Variants in IPO11 observed in about 807,000 individuals in gnomAD.
The protein encoded by IPO11 is importin 11.
In IPO11, 66 loss-of-function variants were observed where a neutral mutation model predicts 143.2. The ratio of observed to expected loss-of-function variants is 0.46; its 90% CI spans 0.38 to 0.57. IPO11 has a LOEUF of 0.57. IPO11 is among the 20% of genes least tolerant of loss of function. The pLI is 0.00. For missense variants in IPO11, 1,026 were observed against 1,141.0 expected (o/e 0.90, Z 1.45); for synonymous variants, 385 against 377.8 (o/e 1.02, Z -0.22).
chr5:62,445,865 C>T (rs1744702403), intron 3 of IPO11, among the ~76,000 whole-genome samples: 1 of 151,952 alleles, frequency 6.6e-6, no homozygotes, highest in Non-Finnish European at 1.5e-5. Context: ...ATTTTTTTTG[C>T]ATAATCTATT....
At chr5:62,553,978 G>T (rs375915411) in intron 26 of IPO11, among the ~76,000 whole-genome samples, 1 of 152,040 alleles carries the variant, frequency 6.6e-6, no homozygotes, top group Non-Finnish European at 1.5e-5. Flanking sequence ...TGATCTGCCC[G>T]CCTCGGCCTC....
intron 27 of IPO11, among the ~76,000 whole-genome samples, chr5:62,588,044 A>G (rs1456713350): frequency 6.6e-6 from 1 of 152,204 alleles, no homozygotes; most frequent in Non-Finnish European, 1.5e-5. Context: ...TGCAGTCTTC[A>G]TCCCAAATTC....
At chr5:62,459,458 G>A (rs1745281548) in intron 5 of IPO11, among the ~76,000 whole-genome samples, 1 of 152,006 alleles carries the variant, frequency 6.6e-6, no homozygotes, top group Non-Finnish European at 1.5e-5. Flanking sequence ...TTGCTTTTGA[G>A]ATAGATCTTG....
rs115479868 is a variant in IPO11 at position 62,565,528 on chromosome 5, C to T, written c.2582+4271C>T. ...ACAAAACCGATGACAACTTTAATTTCGATTATGAAGAAAAGAAACAAACTA... is the reference window on the plus strand; with the variant it reads ...ACAAAACCGATGACAACTTTAATTTTGATTATGAAGAAAAGAAACAAACTA... On this transcript the variant is annotated intron_variant, in intron 27 of 29. Transcript: ENST00000325324. Among the ~76,000 whole-genome samples, 680 of 152,144 alleles carry T rather than the reference C, an allele frequency of 4.5e-3. 7 individuals carry two copies. The highest frequency in any genetic ancestry group is 0.016 in the African/African-American group (650 of 41,520).
At chr5:62,614,709 C>CGTGTGTGT (rs151288424) in intron 29 of IPO11, among the ~76,000 whole-genome samples, 1 of 151,302 alleles carries the variant, frequency 6.6e-6, no homozygotes, top group African/African-American at 2.4e-5. Flanking sequence ...CCCAAGTGTG[C>CGTGTGTGT]GTGTGTGTGT....
At chr5:62,591,134 G>A (rs189431585) in intron 27 of IPO11, among the ~76,000 whole-genome samples, 150 of 151,980 alleles carry the variant, frequency 9.9e-4, no homozygotes, top group African/African-American at 3.5e-3. Flanking sequence ...ATCTTATTGT[G>A]TTTTCAGAGT....
At chr5:62,581,720 T>G (rs528535347) in intron 27 of IPO11, among the ~76,000 whole-genome samples, 2 of 152,282 alleles carry the variant, frequency 1.3e-5, no homozygotes, top group East Asian at 3.9e-4. Flanking sequence ...ATTGCTGCTT[T>G]GGTTCTAGGA....
At chr5:62,544,788 G>A (rs1440224730) in intron 24 of IPO11, among the ~76,000 whole-genome samples, 1 of 152,098 alleles carries the variant, frequency 6.6e-6, no homozygotes, top group African/African-American at 2.4e-5. Flanking sequence ...AAAATCACAA[G>A]CATTTTTATA....
chr5:62,436,296 A>G (rs1016780013), intron 1 of IPO11, among the ~76,000 whole-genome samples: 17 of 152,258 alleles, frequency 1.1e-4, no homozygotes, highest in Non-Finnish European at 2.4e-4. Flanking sequence ...TGCTTTGGCT[A>G]TATTCTTTAT....
chr5:62,580,865 T>G, intron 27 of IPO11: 5 of 1,551,376 alleles, frequency 3.2e-6, no homozygotes, highest in Non-Finnish European at 4.4e-6. Context: ...GGTAATCCAT[T>G]AGAGACTACA....
At chr5:62,579,924 T>C in intron 27 of IPO11, 1 of 1,551,326 alleles carries the variant, frequency 6.4e-7, no homozygotes, top group Non-Finnish European at 8.7e-7. Context: ...AGTACTTAAA[T>C]CTACAAAGGA....
chr5:62,628,230 A>T lies in IPO11; in HGVS notation c.*912A>T, dbSNP rs1746653743. 6.6e-6 allele frequency: 1 copy of T among 152,468 alleles called. No individual in the cohort carries two copies. Among genetic ancestry groups the T allele is most frequent in the Non-Finnish European group, 1.5e-5 (1 of 68,038 alleles). 9.4% of individuals were successfully genotyped at this position (152,468 alleles called of 1,614,324 possible). A position where few individuals can be genotyped will look rare whatever the true frequency, so the allele number is the denominator to read the frequency against. On this transcript the variant is annotated 3_prime_UTR_variant, in exon 30 of 30. Transcript: ENST00000325324. ...CAATAATAGGGGTATACCTGGGAGGATCCAGCAGTAATCCCCAGGGTACTA... is the reference window on the plus strand; with the variant it reads ...CAATAATAGGGGTATACCTGGGAGGTTCCAGCAGTAATCCCCAGGGTACTA...
chr5:62,457,887 G>C (rs763846474), intron 5 of IPO11, among the ~76,000 whole-genome samples: 4 of 152,140 alleles, frequency 2.6e-5, no homozygotes, highest in Admixed American at 6.5e-5. Flanking sequence ...GGTGGCTCAC[G>C]CCTGTAATCC....
intron 27 of IPO11, among the ~76,000 whole-genome samples, chr5:62,583,491 C>G (rs1164481349): frequency 6.6e-6 from 1 of 152,156 alleles, no homozygotes; most frequent in Non-Finnish European, 1.5e-5. Context: ...TTGATTTAGA[C>G]TCAACTAGAA....
At chr5:62,461,531 G>GA (rs753174448) in intron 5 of IPO11, among the ~76,000 whole-genome samples, 1 of 152,244 alleles carries the variant, frequency 6.6e-6, no homozygotes, top group Non-Finnish European at 1.5e-5. Context: ...TTTGTCGAAA[G>GA]ATAGTGCCGT....
At chr5:62,602,847 A>G (rs1745556714) in intron 29 of IPO11, among the ~76,000 whole-genome samples, 1 of 152,170 alleles carries the variant, frequency 6.6e-6, no homozygotes, top group Non-Finnish European at 1.5e-5. Flanking sequence ...CTTTTTTACT[A>G]TTACTTGTGA....
At chr5:62,509,513 A>G (rs537262394) in intron 19 of IPO11, among the ~76,000 whole-genome samples, 8 of 152,342 alleles carry the variant, frequency 5.3e-5, no homozygotes, top group Middle Eastern at 3.4e-3. Context: ...AACACTTAAC[A>G]TGAGATCCAT....
intron 15 of IPO11, among the ~76,000 whole-genome samples, chr5:62,492,428 C>T (rs1268452758): frequency 6.6e-6 from 1 of 152,214 alleles, no homozygotes; most frequent in Non-Finnish European, 1.5e-5. Context: ...CTGCCCATTT[C>T]TTCTCTTCCT....
At chr5:62,524,326 G>A (rs1006415699) in intron 20 of IPO11, among the ~76,000 whole-genome samples, 9 of 152,042 alleles carry the variant, frequency 5.9e-5, no homozygotes, top group Non-Finnish European at 1.3e-4. Context: ...TGAAGGATAC[G>A]TGGGATTTCT....
Sources: gnomAD v4.1 joint callset for allele counts (sites outside exome capture counted in the v4.1 genomes callset) on GRCh38, gnomAD v4.1.1 for gene constraint, MANE v1.5 for transcripts, NCBI Gene and HGNC (gene_info 2026-07-23, HGNC 2026-07-21) for gene names.